Variants in OPRM1 observed in about 807,000 individuals in gnomAD.
The protein encoded by OPRM1 is mu-type opioid receptor.
OPRM1 carries 27 observed loss-of-function variants against 31.8 expected under a neutral mutation model. That is an observed-to-expected ratio of 0.85 (90% CI 0.63 to 1.17). The LOEUF is 1.17. OPRM1 is among the 50% of genes most tolerant of loss of function. OPRM1 has a pLI of 0.00. For synonymous variants in OPRM1, 196 were observed against 189.9 expected, an observed-to-expected ratio of 1.03 and a Z score of -0.26; for missense variants, 536 against 511.1, an observed-to-expected ratio of 1.05 and a Z score of -0.47.
At chr6:154,017,493 A>T (rs2128378799) in intron 1 of OPRM1, among the ~76,000 whole-genome samples, 1 of 152,288 alleles carries the variant, frequency 6.6e-6, no homozygotes, top group African/African-American at 2.4e-5. Flanking sequence ...CTCTGAAGGC[A>T]TTCACTCCAT....
intron 1 of OPRM1, among the ~76,000 whole-genome samples, chr6:154,070,858 C>A (rs1338341903): frequency 6.6e-6 from 1 of 152,166 alleles, no homozygotes; most frequent in Non-Finnish European, 1.5e-5. Context: ...TTAATGGAGC[C>A]AACTTTGCTC....
chr6:154,180,851 A>C lies in OPRM1; in HGVS notation c.1165-65842A>C, dbSNP rs534609079. On this transcript the variant is annotated intron_variant, in intron 3 of 3. Coordinates refer to the OPRM1 transcript ENST00000337049. The stretch of plus-strand genomic sequence containing the variant: ...ATGTCTAAATGATGTCCCAGGGAAG[A>C]TAATTTTAGTTCCCCAACATGCAAC... Among the ~76,000 whole-genome samples the C allele has an allele frequency of 1.2e-4, 18 of 152,346 alleles. 1 individual carries two copies. The East Asian group carries it at 3.3e-3, about 28-fold the overall frequency.
intron 1 of OPRM1, among the ~76,000 whole-genome samples, chr6:154,045,183 C>T (rs1326059595): frequency 6.6e-6 from 1 of 151,976 alleles, no homozygotes; most frequent in East Asian, 1.9e-4. Flanking sequence ...CGAGATCGCA[C>T]CACTGCACTC....
intron 3 of OPRM1, among the ~76,000 whole-genome samples, chr6:154,240,965 C>T (rs77891520): frequency 3.9e-5 from 6 of 152,210 alleles, no homozygotes; most frequent in Admixed American, 2.0e-4. Flanking sequence ...GGGCCAGGTG[C>T]GGTGGCTCAT....
intron 3 of OPRM1, among the ~76,000 whole-genome samples, chr6:154,195,713 T>C (rs986828750): frequency 1.3e-5 from 2 of 152,202 alleles, no homozygotes; most frequent in African/African-American, 4.8e-5. Context: ...TGCTTTCTTT[T>C]GTTAAATGTG....
chr6:154,124,795 A>C lies in OPRM1; in HGVS notation c.*6074A>C, dbSNP rs144437660. Among the ~76,000 whole-genome samples the C allele has an allele frequency of 2.4e-4, 36 of 152,324 alleles. 3 individuals carry two copies. In the East Asian group the frequency reaches 6.7e-3, roughly 29 times the overall value. ...ATAAAGGGCAAGGAAAAAAGATGAA[A>C]GCTTACTCATATTAACCATTCTACC... On this transcript the variant is annotated 3_prime_UTR_variant, in exon 4 of 4. Transcript: ENST00000330432.
intron 3 of OPRM1, among the ~76,000 whole-genome samples, chr6:154,222,692 T>C (rs1778961688): frequency 6.6e-6 from 1 of 152,164 alleles, no homozygotes; most frequent in Non-Finnish European, 1.5e-5. Context: ...ATCTTTTGGA[T>C]TTCAATTAGA....
chr6:154,021,280 C>T (rs895959640), intron 1 of OPRM1, among the ~76,000 whole-genome samples: 18 of 152,164 alleles, frequency 1.2e-4, no homozygotes, highest in Non-Finnish European at 1.0e-4. Flanking sequence ...TTATATGGAT[C>T]TATACCTGTG....
intron 3 of OPRM1, among the ~76,000 whole-genome samples, chr6:154,161,172 C>T (rs1798983829): frequency 6.6e-6 from 1 of 151,966 alleles, no homozygotes; most frequent in Admixed American, 6.6e-5. Context: ...TTACACAGAA[C>T]ACTTTCCAGT....
chr6:154,222,500 A>T (rs1202696969), intron 3 of OPRM1, among the ~76,000 whole-genome samples: 2 of 152,278 alleles, frequency 1.3e-5, no homozygotes, highest in African/African-American at 4.8e-5. Context: ...ATGGACACAT[A>T]CGCAAAATAT....
In OPRM1 at chr6:154,127,481, TTGTCC is replaced by T. The variant is rs1797657627; in HGVS notation, c.*8761_*8765del. Among the ~76,000 whole-genome samples, 1 of 152,172 alleles carries T rather than the reference TTGTCC, an allele frequency of 6.6e-6. No individual in the cohort carries two copies. The highest frequency in any genetic ancestry group is 2.1e-4 in the South Asian group (1 of 4,824). ...GTTTGTTGTGTTTAAGACGTTTTACTTGTCCCTGAAATGTTTGTCATCACACAGAT... is the reference window on the plus strand; with the variant it reads ...GTTTGTTGTGTTTAAGACGTTTTACTCTGAAATGTTTGTCATCACACAGAT... On this transcript the variant is annotated 3_prime_UTR_variant, in exon 4 of 4. Coordinates refer to ENST00000330432, the MANE Select transcript of OPRM1 (RefSeq NM_000914.5).
At chr6:154,159,836 A>G in intron 3 of OPRM1, 1 of 1,610,764 alleles carries the variant, frequency 6.2e-7, no homozygotes, top group South Asian at 1.1e-5. Context: ...TCTCAAATGG[A>G]ATTTTCAACA....
chr6:154,202,039 A>G (rs1777111111), intron 3 of OPRM1, among the ~76,000 whole-genome samples: 1 of 152,214 alleles, frequency 6.6e-6, no homozygotes, highest in Non-Finnish European at 1.5e-5. Context: ...TTCCAAATCA[A>G]TATGGTCCCC....
chr6:154,090,086 G>A lies in OPRM1; in HGVS notation c.551G>A (p.Arg184Gln), dbSNP rs202015908. ...PVKALDFRTPRNAKIINVCNW... is the reference protein window; with the variant it reads ...PVKALDFRTPQNAKIINVCNW... ...AAGGCCTTAGATTTCCGTACTCCCC[G>A]AAATGCCAAAATTATCAATGTCTGC... Residue 184 changes from arginine (R) to glutamine (Q), a missense_variant, in exon 2 of 4, where the codon CGA becomes CAA. By Grantham distance (43) the Arg-to-Gln change is conservative. Transcript: ENST00000330432. 41 of 1,613,970 alleles carry A rather than the reference G, an allele frequency of 2.5e-5. No individual in the cohort carries two copies. The highest frequency in any genetic ancestry group is 8.0e-5 in the African/African-American group (6 of 74,884).
rs940161754 is a variant in OPRM1 at position 154,121,854 on chromosome 6, G to A, written c.*3133G>A. ...GTCAAGTCTATTTATACGTTTAAAA[G>A]CTAAAAACAAGATCTTTTTGGTAAT... On this transcript the variant is annotated 3_prime_UTR_variant, in exon 4 of 4. Transcript: ENST00000330432. 6.6e-6 allele frequency among the ~76,000 whole-genome samples: 1 copy of A among 152,114 alleles called. No individual in the cohort carries two copies. The highest frequency in any genetic ancestry group is 1.5e-5 in the Non-Finnish European group (1 of 68,010).
Position 154,039,402 on chromosome 6 carries a change from C to A in OPRM1, c.-143C>A. On this transcript the variant is annotated 5_prime_UTR_variant, in exon 1 of 4. In the 5' UTR this introduces an upstream ATG that the reference lacks. Transcript: ENST00000330432. The stretch of plus-strand genomic sequence containing the variant: ...GGTCCCCTCCGCCTGACGCTCCTCT[C>A]TGTCTCAGCCAGGACTGGTTTCTGT... 1 of 1,548,102 alleles carries A rather than the reference C, an allele frequency of 6.5e-7. No homozygotes were observed. Among genetic ancestry groups the A allele is most frequent in the Non-Finnish European group, 8.7e-7 (1 of 1,144,602 alleles).
intron 3 of OPRM1, chr6:154,221,184 T>G: frequency 9.4e-7 from 1 of 1,059,848 alleles, no homozygotes; most frequent in Non-Finnish European, 1.4e-6. Context: ...GACATATGAT[T>G]AGAATTCCAG....
chr6:154,178,029 TA>T (rs1345735956), intron 3 of OPRM1, among the ~76,000 whole-genome samples: 3 of 150,448 alleles, frequency 2.0e-5, no homozygotes, highest in Non-Finnish European at 4.4e-5. Context: ...CTCAGCAAAA[TA>T]TCACAAGGAC....
chr6:154,147,277 C>T (rs1025931136), intron 3 of OPRM1, among the ~76,000 whole-genome samples: 1 of 152,188 alleles, frequency 6.6e-6, no homozygotes, highest in African/African-American at 2.4e-5. Context: ...CGCTCATGTT[C>T]TCTTGTTTTT....
Sources: allele counts gnomAD v4.1 joint callset (sites outside exome capture counted in the v4.1 genomes callset), GRCh38; gene constraint gnomAD v4.1.1; transcripts MANE v1.5; gene names NCBI Gene and HGNC (gene_info 2026-07-23, HGNC 2026-07-21).